TAFA1: variants seen among roughly 807,000 people sequenced by gnomAD.
The protein encoded by TAFA1 is chemokine-like protein TAFA-1.
Under a neutral mutation model 18.5 loss-of-function variants are expected in TAFA1, and 4 were observed. That is an observed-to-expected ratio of 0.22 (90% CI 0.11 to 0.49). The LOEUF (loss-of-function observed/expected upper bound fraction) is 0.49. TAFA1 is among the 20% of genes least tolerant of loss of function. TAFA1 has a pLI of 0.98. For missense variants in TAFA1, 147 were observed against 169.0 expected (o/e 0.87, Z 0.72); for synonymous variants, 56 against 55.2 (o/e 1.01, Z -0.06).
In TAFA1 at chr3:68,420,692, C is replaced by T. The variant is rs564378141; in HGVS notation, c.259+3272C>T. Among the ~76,000 whole-genome samples the T allele has an allele frequency of 3.3e-5, 5 of 152,244 alleles. No homozygotes were observed. The South Asian group carries it at 6.2e-4, about 19-fold the overall frequency. ...CTACTGATACCTAGTGGGTAGAGGC[C>T]ATGAATCCTATTGAACATCCTGCAA... On this transcript the variant is annotated intron_variant, in intron 3 of 4. Coordinates refer to ENST00000478136, the MANE Select transcript of TAFA1 (RefSeq NM_213609.4).
intron 2 of TAFA1, among the ~76,000 whole-genome samples, chr3:68,277,155 C>T (rs57348677): frequency 0.017 from 2,619 of 152,196 alleles, 86 homozygotes; most frequent in East Asian, 0.13. Context: ...TTAGTGCATA[C>T]ATTAGAATGT....
At chr3:68,243,754 T>C (rs1032076289) in intron 2 of TAFA1, among the ~76,000 whole-genome samples, 12 of 152,156 alleles carry the variant, frequency 7.9e-5, no homozygotes, top group African/African-American at 2.9e-4. Flanking sequence ...AAAGAGACCA[T>C]GGACATTCTG....
At chr3:68,354,275 G>A (rs1483699192) in intron 2 of TAFA1, among the ~76,000 whole-genome samples, 2 of 151,768 alleles carry the variant, frequency 1.3e-5, no homozygotes, top group African/African-American at 2.4e-5. Flanking sequence ...TAAAAGATGT[G>A]GATTTCACAC....
rs960692268 is a variant in TAFA1, at chr3:68,539,966, C to T, written c.384+1086C>T. Among the ~76,000 whole-genome samples the T allele has an allele frequency of 3.9e-5, 6 of 152,086 alleles. No homozygotes were observed. In the South Asian group the frequency reaches 8.3e-4, roughly 21 times the overall value. The stretch of plus-strand genomic sequence containing the variant: ...AAGCAAGCTCCATCGGTTACAAATC[C>T]CAGTATGCTGAAGTTTTATTCTACC... On this transcript the variant is annotated intron_variant, in intron 4 of 4. Coordinates refer to ENST00000478136, the MANE Select transcript of TAFA1 (RefSeq NM_213609.4).
chr3:68,359,304 A>G (rs1295207488), intron 2 of TAFA1, among the ~76,000 whole-genome samples: 1 of 152,026 alleles, frequency 6.6e-6, no homozygotes, highest in Non-Finnish European at 1.5e-5. Context: ...TGATCCCGCC[A>G]ATGATACCCC....
chr3:68,233,480 A>G (rs2066894610), intron 2 of TAFA1, among the ~76,000 whole-genome samples: 1 of 152,110 alleles, frequency 6.6e-6, no homozygotes, highest in African/African-American at 2.4e-5. Flanking sequence ...ATTCTATTTC[A>G]TTGGCCTATG....
At chr3:68,007,292 T>G (rs1358654073) in intron 2 of TAFA1, among the ~76,000 whole-genome samples, 4 of 152,236 alleles carry the variant, frequency 2.6e-5, no homozygotes, top group Admixed American at 2.6e-4. Context: ...TTTTGGCAGT[T>G]TCAGGGACGA....
chr3:68,457,816 C>A (rs2071692567), intron 3 of TAFA1, among the ~76,000 whole-genome samples: 1 of 152,162 alleles, frequency 6.6e-6, no homozygotes, highest in Non-Finnish European at 1.5e-5. Context: ...CTGGTAACTA[C>A]CATTCTACTT....
intron 2 of TAFA1, among the ~76,000 whole-genome samples, chr3:68,299,116 A>C (rs1481348898): frequency 6.6e-6 from 1 of 152,208 alleles, no homozygotes; most frequent in East Asian, 1.9e-4. Flanking sequence ...GATGGGGATG[A>C]GGAACTTCTT....
chr3:68,305,409 CTATATATATA>C (rs773025236), intron 2 of TAFA1, among the ~76,000 whole-genome samples: 3,214 of 37,820 alleles, frequency 0.085, 122 homozygotes, highest in Admixed American at 0.15. Context: ...GACTATATGA[CTATATATATA>C]TATATATATA....
At chr3:68,001,555 G>T (rs146069607), upstream of TAFA1, among the ~76,000 whole-genome samples, 2,630 of 151,040 alleles carry the variant, frequency 0.017, 30 homozygotes, top group Non-Finnish European at 0.026. Context: ...TTAAGCAGTA[G>T]TTGGGTTTTA....
At chr3:68,135,997 A>C (rs960823127) in intron 2 of TAFA1, among the ~76,000 whole-genome samples, 1 of 152,218 alleles carries the variant, frequency 6.6e-6, no homozygotes, top group East Asian at 1.9e-4. Context: ...CAGCAGAGAA[A>C]AACAGATTGA....
chr3:68,417,127 G>A lies in TAFA1; in HGVS notation c.119-153G>A, dbSNP rs188422815. On this transcript the variant is annotated intron_variant, in intron 2 of 4. Transcript: ENST00000478136. ...AGCACTGTCCTCTCTGTGATTACAC[G>A]TAGTAGAAGAGAGTCCTGTTGTAAT... 29 of 612,866 alleles carry A rather than the reference G, an allele frequency of 4.7e-5. No homozygotes were observed. The Admixed American group carries it at 6.5e-4, about 14-fold the overall frequency. The allele number at this position is 612,866 out of a possible 1,614,324, so 38.0% of individuals were successfully genotyped here. A position where few individuals can be genotyped will look rare whatever the true frequency, so the allele number is the denominator to read the frequency against.
intron 3 of TAFA1, among the ~76,000 whole-genome samples, chr3:68,443,496 A>AG (rs2071424312): frequency 1.4e-5 from 2 of 147,020 alleles, no homozygotes; most frequent in Non-Finnish European, 3.0e-5. Flanking sequence ...AAAAAAAAAA[A>AG]CAAAAAAAAA....
At chr3:68,439,418 T>TATATATATATATATATACATAC (rs1213998506) in intron 3 of TAFA1, among the ~76,000 whole-genome samples, 3 of 101,144 alleles carry the variant, frequency 3.0e-5, no homozygotes, top group Non-Finnish European at 4.1e-5. Flanking sequence ...CATACATATA[T>TATATATATATATATATACATAC]ATATATATAT....
chr3:68,012,410 A>G (rs1034406918), intron 2 of TAFA1, among the ~76,000 whole-genome samples: 1 of 152,218 alleles, frequency 6.6e-6, no homozygotes, highest in Non-Finnish European at 1.5e-5. Context: ...TGATGTAGAC[A>G]TTAAAAGGGA....
At chr3:68,209,257 C>T (rs1023022522) in intron 2 of TAFA1, among the ~76,000 whole-genome samples, 2 of 151,996 alleles carry the variant, frequency 1.3e-5, no homozygotes, top group African/African-American at 4.8e-5. Context: ...ATGCCAGCCT[C>T]CTGATACACA....
At chr3:68,143,014 T>G (rs73834849) in intron 2 of TAFA1, among the ~76,000 whole-genome samples, 2,477 of 152,220 alleles carry the variant, frequency 0.016, 75 homozygotes, top group African/African-American at 0.057. Flanking sequence ...GGAAGACTCT[T>G]TAAGATGCCT....
intron 2 of TAFA1, among the ~76,000 whole-genome samples, chr3:68,378,661 G>C (rs73101165): frequency 0.023 from 3,440 of 152,242 alleles, 56 homozygotes; most frequent in Non-Finnish European, 0.035. Flanking sequence ...AGGATGGTAT[G>C]GTTTGGCTCT....
Sources: gnomAD v4.1 joint callset for allele counts (sites outside exome capture counted in the v4.1 genomes callset) on GRCh38, gnomAD v4.1.1 for gene constraint, MANE v1.5 for transcripts, NCBI Gene and HGNC (gene_info 2026-07-23, HGNC 2026-07-21) for gene names.